GMDS: variants seen among roughly 807,000 people sequenced by gnomAD.
GMDS encodes the protein GDP-mannose 4,6-dehydratase, also known as GDP-mannose 4,6 dehydratase.
GMDS carries 20 observed loss-of-function variants against 49.9 expected under a neutral mutation model. The ratio of observed to expected loss-of-function variants is 0.40; its 90% confidence interval spans 0.28 to 0.58. The LOEUF (loss-of-function observed/expected upper bound fraction) is 0.58, where lower values mean the gene tolerates loss of function less well. Among genes scored for constraint, GMDS ranks in the 20% least tolerant of loss-of-function variants. The pLI, the probability that GMDS is intolerant of heterozygous loss-of-function variation, is 0.42. For synonymous variants in GMDS, 177 were observed against 178.6 expected, an observed-to-expected ratio of 0.99 and a Z score of 0.07; for missense variants, 362 against 481.4, an observed-to-expected ratio of 0.75 and a Z score of 2.32.
chr6:1,637,616 G>A (rs1050574225), intron 9 of GMDS, among the ~76,000 whole-genome samples: 3 of 152,190 alleles, frequency 2.0e-5, no homozygotes, highest in African/African-American at 4.8e-5. Flanking sequence ...AGCACGTTCC[G>A]CACCAGCACA....
intron 7 of GMDS, among the ~76,000 whole-genome samples, chr6:1,805,279 T>G (rs979674255): frequency 3.3e-5 from 5 of 152,232 alleles, no homozygotes; most frequent in Admixed American, 2.0e-4. Context: ...CACTACAGTA[T>G]TACAAGATAC....
intron 4 of GMDS, among the ~76,000 whole-genome samples, chr6:2,098,347 C>T (rs1969667): frequency 0.25 from 37,639 of 152,126 alleles, 5,564 homozygotes; most frequent in East Asian, 0.48. Flanking sequence ...CGTAAGCCAC[C>T]GCGCCCAGCC....
intron 1 of GMDS, among the ~76,000 whole-genome samples, chr6:2,222,247 C>T (rs1053222347): frequency 6.6e-5 from 10 of 152,156 alleles, no homozygotes; most frequent in African/African-American, 1.9e-4. Flanking sequence ...AGGTTTACTC[C>T]GATCCTGTCA....
intron 9 of GMDS, among the ~76,000 whole-genome samples, chr6:1,700,366 C>T (rs1343179490): frequency 1.3e-5 from 2 of 152,122 alleles, no homozygotes; most frequent in African/African-American, 4.8e-5. Flanking sequence ...ACAAAATCAT[C>T]AGAAGAAAAT....
intron 7 of GMDS, among the ~76,000 whole-genome samples, chr6:1,914,793 G>A (rs568162036): frequency 3.3e-5 from 5 of 152,348 alleles, no homozygotes; most frequent in African/African-American, 1.2e-4. Context: ...ACTGGTGTCT[G>A]CAAAGCTCAA....
intron 7 of GMDS, among the ~76,000 whole-genome samples, chr6:1,775,818 AATAG>A (rs1768780222): frequency 6.6e-6 from 1 of 152,246 alleles, no homozygotes; most frequent in South Asian, 2.1e-4. Flanking sequence ...AAATATGAGT[AATAG>A]ATGGCTGTCT....
chr6:1,829,171 G>GAGTGGCAGA (rs1771248985), intron 7 of GMDS, among the ~76,000 whole-genome samples: 1 of 152,168 alleles, frequency 6.6e-6, no homozygotes, highest in African/African-American at 2.4e-5. Context: ...GATGTCTCAG[G>GAGTGGCAGA]AGTGGCAGAA....
At position 1,777,333 on chromosome 6, in the gene GMDS, G is replaced by C. The variant is rs139004135; in HGVS notation, c.772-34747C>G. The stretch of plus-strand genomic sequence containing the variant: ...TCCACACTGCTTCCTTAATGTTCAT[G>C]TTGCTTCGGAGGATGTGTGATATTT... On this transcript the variant is annotated intron_variant, in intron 7 of 10. Coordinates refer to ENST00000380815, the MANE Select transcript of GMDS (RefSeq NM_001500.4). Among the ~76,000 whole-genome samples the C allele has an allele frequency of 1.7e-3, 258 of 152,354 alleles. 1 individual carries two copies. The highest frequency in any genetic ancestry group is 5.9e-3 in the African/African-American group (246 of 41,590).
At chr6:1,650,052 G>A (rs954807119) in intron 9 of GMDS, among the ~76,000 whole-genome samples, 1 of 152,182 alleles carries the variant, frequency 6.6e-6, no homozygotes, top group South Asian at 2.1e-4. Flanking sequence ...CGACTTCCAC[G>A]GCCTCAGTTT....
chr6:1,693,222 C>T (rs1765233897), intron 9 of GMDS, among the ~76,000 whole-genome samples: 1 of 152,196 alleles, frequency 6.6e-6, no homozygotes. Flanking sequence ...CAGTACTGTT[C>T]CCTCTAATCC....
intron 4 of GMDS, among the ~76,000 whole-genome samples, chr6:2,014,601 T>C (rs1266824718): frequency 1.3e-5 from 2 of 151,630 alleles, no homozygotes; most frequent in African/African-American, 4.8e-5. Flanking sequence ...GGAGAAAAAA[T>C]AGAATATAAA....
intron 7 of GMDS, among the ~76,000 whole-genome samples, chr6:1,817,787 T>A (rs1241384713): frequency 6.6e-6 from 1 of 152,138 alleles, no homozygotes; most frequent in Non-Finnish European, 1.5e-5. Flanking sequence ...CTCTCAATAC[T>A]TCAAGGGTCT....
chr6:1,970,856 T>G (rs1448805416), intron 4 of GMDS, among the ~76,000 whole-genome samples: 2 of 152,038 alleles, frequency 1.3e-5, no homozygotes, highest in Non-Finnish European at 2.9e-5. Context: ...CATGCAGGGC[T>G]TAATACCTAG....
chr6:1,842,125 A>G (rs1757177236), intron 7 of GMDS, among the ~76,000 whole-genome samples: 1 of 152,164 alleles, frequency 6.6e-6, no homozygotes, highest in South Asian at 2.1e-4. Context: ...CTTTCTGTAT[A>G]TGATGTTCCA....
intron 1 of GMDS, among the ~76,000 whole-genome samples, chr6:2,241,134 G>A (rs954007907): frequency 6.6e-6 from 1 of 152,198 alleles, no homozygotes; most frequent in Non-Finnish European, 1.5e-5. Flanking sequence ...GGGGAGACAG[G>A]CCCGGGGCAC....
intron 6 of GMDS, among the ~76,000 whole-genome samples, chr6:1,940,182 C>CATGT (rs1485045483): frequency 1.3e-5 from 2 of 152,136 alleles, no homozygotes; most frequent in Non-Finnish European, 2.9e-5. Flanking sequence ...TATGTGCATG[C>CATGT]ATGCATGCAT....
chr6:2,170,990 G>A (rs940521155), intron 1 of GMDS, among the ~76,000 whole-genome samples: 19 of 151,504 alleles, frequency 1.3e-4, no homozygotes, highest in South Asian at 4.2e-4. Context: ...GTGAGACTCC[G>A]TCTCCAAAAG....
intron 4 of GMDS, among the ~76,000 whole-genome samples, chr6:2,106,987 T>G (rs371505157): frequency 1.3e-5 from 2 of 152,246 alleles, no homozygotes; most frequent in Non-Finnish European, 2.9e-5. Context: ...TTTAGCTATT[T>G]GTATTAATTT....
intron 9 of GMDS, among the ~76,000 whole-genome samples, chr6:1,708,726 C>A (rs1256745594): frequency 6.6e-6 from 1 of 152,242 alleles, no homozygotes; most frequent in African/African-American, 2.4e-5. Context: ...GCGCCGGGGG[C>A]CTCTGGGCCT....
Sources: allele counts gnomAD v4.1 joint callset (sites outside exome capture counted in the v4.1 genomes callset), GRCh38; gene constraint gnomAD v4.1.1; transcripts MANE v1.5; gene names NCBI Gene and HGNC (gene_info 2026-07-23, HGNC 2026-07-21).